The following PCDHGB6 variants were observed in gnomAD, a reference collection of about 807,000 sequenced individuals.
PCDHGB6 encodes protocadherin gamma-B6.
Under a neutral mutation model 59.1 loss-of-function variants are expected in PCDHGB6, and 51 were observed. The ratio of observed to expected loss-of-function variants is 0.86; its 90% CI spans 0.69 to 1.09. The LOEUF is 1.09. Among genes scored for constraint, PCDHGB6 ranks in the 50% least tolerant of loss-of-function variants. The probability of loss-of-function intolerance (pLI) is 0.00; values close to 1 mark genes in which losing one functional copy is unlikely to be tolerated. For missense variants in PCDHGB6, 1,148 were observed against 1,205.1 expected, an observed-to-expected ratio of 0.95 and a Z score of 0.70; for synonymous variants, 466 against 495.1, an observed-to-expected ratio of 0.94 and a Z score of 0.78.
chr5:141,459,289 A>G (rs2098965378), intron 1 of PCDHGB6, among the ~76,000 whole-genome samples: 1 of 152,216 alleles, frequency 6.6e-6, no homozygotes, highest in Non-Finnish European at 1.5e-5. Flanking sequence ...ATCTAAATGG[A>G]ATCCTATAAC....
intron 1 of PCDHGB6, among the ~76,000 whole-genome samples, chr5:141,454,836 C>T (rs1201514890): frequency 1.3e-4 from 11 of 85,100 alleles, no homozygotes; most frequent in African/African-American, 2.1e-4. Context: ...GAGACAGAGT[C>T]GCGCTCTGTC....
intron 1 of PCDHGB6, chr5:141,415,489 C>G: frequency 6.2e-7 from 1 of 1,614,220 alleles, no homozygotes; most frequent in Non-Finnish European, 8.5e-7. Flanking sequence ...AAAGAGTCAC[C>G]TGATCTTCCC....
intron 2 of PCDHGB6, among the ~76,000 whole-genome samples, chr5:141,500,187 TA>T (rs56304898): frequency 0.051 from 5,679 of 110,700 alleles, 126 homozygotes; most frequent in Middle Eastern, 0.14. Flanking sequence ...TTTTTATTTT[TA>T]TTTATTTATT....
intron 1 of PCDHGB6, chr5:141,419,707 C>T (rs781629810): frequency 4.6e-5 from 74 of 1,613,062 alleles, no homozygotes; most frequent in Middle Eastern, 1.7e-4. Flanking sequence ...AGCCCGGGCT[C>T]TTCAGCCTGG....
At chr5:141,454,837 G>A (rs1269424734) in intron 1 of PCDHGB6, among the ~76,000 whole-genome samples, 4 of 90,354 alleles carry the variant, frequency 4.4e-5, no homozygotes, top group East Asian at 6.5e-4. Flanking sequence ...AGACAGAGTC[G>A]CGCTCTGTCA....
chr5:141,420,337 A>G, intron 1 of PCDHGB6: 8 of 1,402,708 alleles, frequency 5.7e-6, no homozygotes, highest in Non-Finnish European at 7.6e-6. Flanking sequence ...ATTCCAATAT[A>G]GTGGTATTAT....
chr5:141,433,367 C>CTATA, intron 1 of PCDHGB6: 2 of 549,818 alleles, frequency 3.6e-6, no homozygotes, highest in South Asian at 4.5e-5. Flanking sequence ...GCCTATCTAT[C>CTATA]TATCTATCTA....
chr5:141,415,740 G>GTTTTTTTTTTTTTTTTTTTGTTT, intron 1 of PCDHGB6: 1 of 617,992 alleles, frequency 1.6e-6, no homozygotes, highest in Non-Finnish European at 2.1e-6. Flanking sequence ...GTTTATTAAG[G>GTTTTTTTTTTTTTTTTTTTGTTT]TTTTTTTTTT....
rs140779776 is a variant in PCDHGB6 at position 141,412,904 on chromosome 5, C to T, written c.2418+2284C>T. On this transcript the variant is annotated intron_variant, in intron 1 of 3. Transcript: ENST00000520790. ...CAACAGAATAGTTTACTTTCCATTG[C>T]ATGTATCACTTGGGTGCAGTAACTT... The T allele has an allele frequency of 4.0e-4, 150 of 378,712 alleles. 3 individuals carry two copies. In the East Asian group the frequency reaches 6.1e-3, roughly 15 times the overall value. 23.5% of individuals were successfully genotyped at this position (378,712 alleles called of 1,614,324 possible).
At chr5:141,421,173 C>A in intron 1 of PCDHGB6, 2 of 1,377,172 alleles carry the variant, frequency 1.5e-6, no homozygotes, top group Non-Finnish European at 9.7e-7. Context: ...GATACATAAG[C>A]CGATTCACAA....
At chr5:141,462,459 C>T (rs190781980) in intron 1 of PCDHGB6, among the ~76,000 whole-genome samples, 11 of 152,128 alleles carry the variant, frequency 7.2e-5, no homozygotes, top group Admixed American at 2.6e-4. Flanking sequence ...TAACTGAAAA[C>T]TGTGTATTCT....
At chr5:141,500,370 G>C (rs766183384) in intron 2 of PCDHGB6, among the ~76,000 whole-genome samples, 1 of 151,644 alleles carries the variant, frequency 6.6e-6, no homozygotes, top group Non-Finnish European at 1.5e-5. Flanking sequence ...TACCACGCCC[G>C]GCTAATTATT....
intron 1 of PCDHGB6, among the ~76,000 whole-genome samples, chr5:141,480,895 A>G (rs1275670492): frequency 6.6e-6 from 1 of 152,048 alleles, no homozygotes; most frequent in African/African-American, 2.4e-5. Flanking sequence ...AAATGCAAAC[A>G]TTAGCTGGGC....
chr5:141,420,147 C>T lies in PCDHGB6; in HGVS notation c.2418+9527C>T, dbSNP rs1480828845. On this transcript the variant is annotated intron_variant, in intron 1 of 3. Transcript: ENST00000520790. Reference sequence around the variant, plus strand: ...TGTGTGCCTGGGGATCAAATGAATCCAGAATTTAATTTTTTCACATCTGTT... The same window carrying T: ...TGTGTGCCTGGGGATCAAATGAATCTAGAATTTAATTTTTTCACATCTGTT... The T allele has an allele frequency of 2.5e-6, 4 of 1,613,848 alleles. No individual in the cohort carries two copies. The East Asian group carries it at 8.9e-5, about 36-fold the overall frequency.
intron 1 of PCDHGB6, chr5:141,428,370 C>A: frequency 1.8e-6 from 1 of 540,734 alleles, no homozygotes; most frequent in Non-Finnish European, 3.4e-6. Flanking sequence ...TCGCCTTGCA[C>A]CTGCGATGCT....
Position 141,410,123 on chromosome 5 carries a change from C to T in PCDHGB6, c.1921C>T (p.Arg641Cys). ...AGGCGACAGGGACGCAGCCCGCCAG[C>T]GCCTGCTGGTCGCTGTGCGTGACGG... Reference protein sequence around the residue: ...ALGDRDAARQRLLVAVRDGGQ... With the variant: ...ALGDRDAARQCLLVAVRDGGQ... Residue 641 changes from arginine to cysteine, a missense_variant, in exon 1 of 4, where the codon CGC (arginine) becomes TGC (cysteine). Around this residue, in one of 5 missense-constraint regions of PCDHGB6, gnomAD observed 549 missense variants for 527.5 expected, o/e 1.04. Coordinates refer to ENST00000520790, the MANE Select transcript of PCDHGB6 (RefSeq NM_018926.3). The T allele has an allele frequency of 1.2e-6, 2 of 1,612,780 alleles. No individual in the cohort carries two copies. The highest frequency in any genetic ancestry group is 1.7e-6 in the Non-Finnish European group (2 of 1,179,646).
chr5:141,411,752 C>T (rs2095512204), intron 1 of PCDHGB6: 1 of 152,734 alleles, frequency 6.5e-6, no homozygotes. Context: ...TGTGGTGGCA[C>T]ATGCCTGTGG....
chr5:141,451,716 T>C (rs947058540), intron 1 of PCDHGB6, among the ~76,000 whole-genome samples: 1 of 152,092 alleles, frequency 6.6e-6, no homozygotes, highest in Non-Finnish European at 1.5e-5. Context: ...ACCCTGCCTC[T>C]ACTAAAAATA....
rs2099455203 is a variant in PCDHGB6 at position 141,478,427 on chromosome 5, C to T, written c.2419-16380C>T. The T allele has an allele frequency of 1.9e-6, 3 of 1,613,742 alleles. No individual in the cohort carries two copies. Among genetic ancestry groups the T allele is most frequent in the Non-Finnish European group, 2.5e-6 (3 of 1,180,014 alleles). On this transcript the variant is annotated intron_variant, in intron 1 of 3. Coordinates refer to ENST00000520790, the MANE Select transcript of PCDHGB6 (RefSeq NM_018926.3). ...CACCACGGACTCCCGCCGCAGCGAC[C>T]CGCTGCTGAAGAAACCTGGTGCAGC...
Sources: gnomAD v4.1 joint callset for allele counts (sites outside exome capture counted in the v4.1 genomes callset) on GRCh38, gnomAD v4.1.1 for gene constraint, gnomAD v4.1.1 regional missense constraint, MANE v1.5 for transcripts, NCBI Gene and HGNC (gene_info 2026-07-23, HGNC 2026-07-21) for gene names.